The following C12orf42 variants were observed in gnomAD, a reference collection of about 807,000 sequenced individuals.
The protein encoded by C12orf42 is uncharacterized protein C12orf42.
Under a neutral mutation model 21.6 loss-of-function variants are expected in C12orf42, and 25 were observed. The observed-to-expected ratio is 1.16, with a 90% CI of 0.84 to 1.62. C12orf42 has a LOEUF of 1.62. Ranked by LOEUF, C12orf42 falls within the 40% of genes most tolerant of loss-of-function variation. The probability of loss-of-function intolerance (pLI) is 0.00; values close to 1 mark genes in which losing one functional copy is unlikely to be tolerated. For synonymous variants in C12orf42, 174 were observed against 175.0 expected (o/e 0.99, Z 0.05); for missense variants, 483 against 459.3 (o/e 1.05, Z -0.47).
the C12orf42 span, among the ~76,000 whole-genome samples, chr12:103,066,300 T>C: frequency 6.6e-6 from 1 of 152,186 alleles, no homozygotes. Context: ...ATGGAAGTGG[T>C]ATACACGTGA....
At chr12:103,424,611 G>T (rs1264154670) in intron 2 of C12orf42, among the ~76,000 whole-genome samples, 1 of 152,200 alleles carries the variant, frequency 6.6e-6, no homozygotes, top group Non-Finnish European at 1.5e-5. Flanking sequence ...AGTTGTGAGG[G>T]ACTGTGCCAT....
At chr12:103,526,130 A>G in the C12orf42 span, among the ~76,000 whole-genome samples, 3 of 152,228 alleles carry the variant, frequency 2.0e-5, no homozygotes, top group Non-Finnish European at 2.9e-5. Flanking sequence ...TCTTTCAACT[A>G]TTCCGAGCTT....
chr12:103,483,955 T>G (rs1305469381), intron 1 of C12orf42, among the ~76,000 whole-genome samples: 1 of 152,234 alleles, frequency 6.6e-6, no homozygotes, highest in Non-Finnish European at 1.5e-5. Flanking sequence ...AATGATAGTT[T>G]CCAGCTTCAC....
At chr12:103,511,462 T>A in the C12orf42 span, among the ~76,000 whole-genome samples, 9 of 151,980 alleles carry the variant, frequency 5.9e-5, no homozygotes, top group African/African-American at 1.9e-4. Context: ...TCTATTCATA[T>A]GAAATTGAGG....
At chr12:103,368,786 G>A (rs2137893305) in intron 4 of C12orf42, 101 bp downstream of exon 4, 1 of 627,740 alleles carries the variant, frequency 1.6e-6, no homozygotes, top group Non-Finnish European at 2.7e-6. Flanking sequence ...TTGAAACATA[G>A]CACAACTGTT....
the C12orf42 span, among the ~76,000 whole-genome samples, chr12:103,135,247 G>C: frequency 0.015 from 2,336 of 152,184 alleles, 63 homozygotes; most frequent in African/African-American, 0.053. Context: ...TGGAGCTCAG[G>C]AGTTTGAGAC....
At chr12:103,463,068 A>G (rs1007174181) in intron 2 of C12orf42, among the ~76,000 whole-genome samples, 1 of 152,222 alleles carries the variant, frequency 6.6e-6, no homozygotes, top group African/African-American at 2.4e-5. Flanking sequence ...GGAGACTGAT[A>G]TATAATGGGA....
intron 4 of C12orf42, among the ~76,000 whole-genome samples, chr12:103,333,429 T>C (rs1379626405): frequency 6.6e-6 from 1 of 152,238 alleles, no homozygotes; most frequent in Admixed American, 6.5e-5. Context: ...TACCTGACTT[T>C]AATTCACATA....
chr12:103,333,642 A>G (rs936338141), intron 4 of C12orf42, among the ~76,000 whole-genome samples: 1 of 152,194 alleles, frequency 6.6e-6, no homozygotes, highest in Admixed American at 6.5e-5. Context: ...CACATCCAAG[A>G]TGAGTTGAAA....
At chr12:103,554,464 C>T in the C12orf42 span, among the ~76,000 whole-genome samples, 3 of 152,100 alleles carry the variant, frequency 2.0e-5, no homozygotes, top group Non-Finnish European at 4.4e-5. Context: ...AGTTTGAGTT[C>T]TCCAGAAGCC....
intron 2 of C12orf42, among the ~76,000 whole-genome samples, chr12:103,449,049 G>A (rs1255047547): frequency 6.6e-6 from 1 of 151,576 alleles, no homozygotes; most frequent in Non-Finnish European, 1.5e-5. Context: ...CAGCCCAAAT[G>A]CCCATCAATC....
intron 3 of C12orf42, among the ~76,000 whole-genome samples, chr12:103,372,224 C>T (rs1201215119): frequency 6.6e-6 from 1 of 152,066 alleles, no homozygotes; most frequent in Non-Finnish European, 1.5e-5. Context: ...AGTTCACCTC[C>T]GTTGAATTCT....
chr12:103,554,982 C>T, the C12orf42 span, among the ~76,000 whole-genome samples: 1 of 152,078 alleles, frequency 6.6e-6, no homozygotes, highest in Admixed American at 6.5e-5. Context: ...GGACGGTAGG[C>T]AAAACAGAGT....
Position 103,243,846 on chromosome 12 carries a change from T to C in C12orf42, c.*1367-5944A>G, listed in dbSNP as rs148394132. Among the ~76,000 whole-genome samples the C allele has an allele frequency of 3.7e-3, 556 of 152,236 alleles. 3 individuals carry two copies. The highest frequency in any genetic ancestry group is 0.014 in the Middle Eastern group (4 of 294). ...GCAAGGAAGGAAAGCAAAATAAATA[T>C]GTGTTATATCTGGAAGGAAGATGTC... is the stretch of plus-strand genomic sequence containing the variant. On this transcript the variant is annotated intron_variant and NMD_transcript_variant, in intron 10 of 10. Coordinates refer to the C12orf42 transcript ENST00000547347.
intron 2 of C12orf42, among the ~76,000 whole-genome samples, chr12:103,438,812 C>T (rs1305129789): frequency 2.0e-5 from 3 of 151,230 alleles, no homozygotes; most frequent in Non-Finnish European, 4.4e-5. Flanking sequence ...GAATCAATAT[C>T]GTGAAAATGG....
At chr12:103,126,789 A>G in the C12orf42 span, among the ~76,000 whole-genome samples, 1 of 152,248 alleles carries the variant, frequency 6.6e-6, no homozygotes, top group African/African-American at 2.4e-5. Flanking sequence ...AAAATAACTG[A>G]ATAGTAACTA....
chr12:103,054,322 T>C, the C12orf42 span, among the ~76,000 whole-genome samples: 1 of 151,924 alleles, frequency 6.6e-6, no homozygotes, highest in Non-Finnish European at 1.5e-5. Flanking sequence ...CATCCTTAAG[T>C]ATTTCAATAT....
At chr12:103,544,500 A>T in the C12orf42 span, among the ~76,000 whole-genome samples, 2 of 151,800 alleles carry the variant, frequency 1.3e-5, no homozygotes. Flanking sequence ...CTTTTCCTTC[A>T]CCCTGATTGG....
chr12:103,433,108 T>C (rs536458502), intron 2 of C12orf42, among the ~76,000 whole-genome samples: 18 of 152,282 alleles, frequency 1.2e-4, no homozygotes, highest in African/African-American at 3.9e-4. Flanking sequence ...GGCCATAGCT[T>C]CCCAACAGTA....
Sources: allele counts gnomAD v4.1 joint callset (sites outside exome capture counted in the v4.1 genomes callset), GRCh38; gene constraint gnomAD v4.1.1; transcripts MANE v1.5; gene names NCBI Gene and HGNC (gene_info 2026-07-23, HGNC 2026-07-21).